Variants in POMGNT1 observed in about 807,000 individuals in gnomAD.
POMGNT1 encodes the protein protein O-linked mannose N-acetylglucosaminyltransferase 1 (beta 1,2-), also known as protein O-linked-mannose beta-1,2-N-acetylglucosaminyltransferase 1.
In POMGNT1, 67 loss-of-function variants were observed where a neutral mutation model predicts 95.6. The observed-to-expected ratio is 0.70, with a 90% CI of 0.58 to 0.86. POMGNT1 has a LOEUF of 0.86. POMGNT1 is among the 40% of genes least tolerant of loss of function. The pLI is 0.00. For synonymous variants in POMGNT1, 298 were observed against 317.9 expected (o/e 0.94, Z 0.66); for missense variants, 719 against 855.2 (o/e 0.84, Z 1.99).
chr1:46,193,152 G>C, intron 13 of POMGNT1, 22 bp downstream of exon 13: 1 of 1,614,110 alleles, frequency 6.2e-7, no homozygotes, highest in African/African-American at 1.3e-5. Flanking sequence ...CCAGGCCCAA[G>C]AGTTGTATCC....
At chr1:46,202,534 A>G (rs946149220), upstream of POMGNT1, among the ~76,000 whole-genome samples, 2 of 151,752 alleles carry the variant, frequency 1.3e-5, no homozygotes, top group African/African-American at 2.4e-5. Context: ...CTCTACTAAA[A>G]ATACAAAAAT....
chr1:46,212,966 G>A (rs768809014), intron 1 of POMGNT1, among the ~76,000 whole-genome samples: 7 of 151,796 alleles, frequency 4.6e-5, no homozygotes, highest in Non-Finnish European at 7.4e-5. Context: ...GGGTTTCACC[G>A]TGTTAGCCAG....
rs776815245 is a variant in POMGNT1, at chr1:46,197,061, C to T, written c.144G>A (p.Leu48=). The change falls in exon 3 of 22, where the codon CTG becomes CTA. Residue 48 remains leucine (L), a synonymous_variant. Coordinates refer to ENST00000371984, the MANE Select transcript of POMGNT1 (RefSeq NM_017739.4). ...ACTTGATATTGACAATGACAGTCAC[C>T]AGCAGGAAAAGCACGGCCCCTGTCT... ...FCQTGAVLFL[L]VTVIVNIKLI... The T allele has an allele frequency of 1.9e-6, 3 of 1,614,176 alleles. No homozygotes were observed. The highest frequency in any genetic ancestry group is 2.5e-6 in the Non-Finnish European group (3 of 1,180,008).
At chr1:46,207,544 CTTTT>C (rs565434779) in intron 1 of POMGNT1, among the ~76,000 whole-genome samples, 13 of 146,540 alleles carry the variant, frequency 8.9e-5, no homozygotes, top group South Asian at 6.4e-4. Context: ...TTCTTTCTTT[CTTTT>C]TTTTTTTTGA....
chr1:46,212,483 G>A (rs574452266), intron 1 of POMGNT1, among the ~76,000 whole-genome samples: 25 of 151,974 alleles, frequency 1.6e-4, no homozygotes, highest in Admixed American at 3.3e-4. Flanking sequence ...GGGTTTCACC[G>A]TGTTAGCCAG....
chr1:46,205,212 C>A (rs143448207), intron 1 of POMGNT1, among the ~76,000 whole-genome samples: 1 of 151,954 alleles, frequency 6.6e-6, no homozygotes, highest in African/African-American at 2.4e-5. Context: ...GAGCTGAAAT[C>A]GCACCACTGC....
Position 46,193,648 on chromosome 1 carries a change from C to T in POMGNT1, c.951-9G>A. 6.2e-7 allele frequency: 1 copy of T among 1,614,134 alleles called. No homozygotes were observed. The highest frequency in any genetic ancestry group is 1.3e-5 in the African/African-American group (1 of 75,060). On this transcript the variant is annotated splice_polypyrimidine_tract_variant and intron_variant, in intron 10 of 21. Transcript: ENST00000371984. The stretch of plus-strand genomic sequence containing the variant: ...GCAGAGAGCGCAGCATCCTGGGGAG[C>T]CCAGGGATAGGTTAGGGTCACTTCA...
In POMGNT1 at chr1:46,194,356, C is replaced by T. The variant is rs1040105441; in HGVS notation, c.797G>A (p.Arg266Gln). ...WADTELNRRR[R>Q]RFCSKVEGYG... ...GCCCTCAACTTTGCTGCAGAAGCGC[C>T]GGCGGCGACGGTTCAGCTCTGTGTC... The change falls in exon 9 of 22, where the codon CGG becomes CAG. Residue 266 changes from arginine to glutamine, a missense_variant. Arg to Gln is a conservative substitution (Grantham distance 43). This residue lies in a region of POMGNT1 where 466 missense variants were observed against 517.4 expected (regional missense o/e 0.90). Transcript: ENST00000371984. 5 of 1,614,088 alleles carry T rather than the reference C, an allele frequency of 3.1e-6. No individual in the cohort carries two copies. The highest frequency in any genetic ancestry group is 1.3e-5 in the African/African-American group (1 of 74,926).
upstream of POMGNT1, chr1:46,203,328 C>T (rs1658605054): frequency 9.2e-7 from 1 of 1,090,344 alleles, no homozygotes; most frequent in Non-Finnish European, 1.2e-6. Flanking sequence ...CGGGCGGGGA[C>T]CCACCGGTTT....
intron 1 of POMGNT1, among the ~76,000 whole-genome samples, chr1:46,213,811 C>G (rs145027259): frequency 5.9e-5 from 9 of 151,508 alleles, no homozygotes; most frequent in African/African-American, 2.2e-4. Flanking sequence ...GCCTTGCTTA[C>G]GTTATACTCT....
chr1:46,204,385 C>CCT, intron 1 of POMGNT1, among the ~76,000 whole-genome samples: 1 of 152,302 alleles, frequency 6.6e-6, no homozygotes, highest in East Asian at 1.9e-4. Context: ...CAGCCGAGGC[C>CCT]CTGGCAGGTT....
chr1:46,189,505 C>CCGAAACAAT lies in POMGNT1; in HGVS notation c.1839_1847dup (p.Leu614_Arg616dup). 6.2e-7 allele frequency: 1 copy of CCGAAACAAT among 1,613,662 alleles called. No homozygotes were observed. The highest frequency in any genetic ancestry group is 8.5e-7 in the Non-Finnish European group (1 of 1,179,844). ...CCACCATCAGGAAGTGGTTCTTCTT[C>CCGAAACAAT]CGAAACAATCTCCACAGGCCCCGAT... On this transcript the variant is annotated inframe_insertion, in exon 21 of 22. Transcript: ENST00000371984.
At chr1:46,203,370 C>T (rs1273971810), upstream of POMGNT1, 2 of 1,416,154 alleles carry the variant, frequency 1.4e-6, no homozygotes, top group East Asian at 2.7e-5. Flanking sequence ...AAGGGAGGAC[C>T]CCCGGGAGCC....
chr1:46,203,071 GA>G (rs1658597094), upstream of POMGNT1, among the ~76,000 whole-genome samples: 1 of 152,078 alleles, frequency 6.6e-6, no homozygotes, highest in African/African-American at 2.4e-5. Context: ...ATCTCTGACT[GA>G]AGCTGCTTAG....
At chr1:46,205,010 C>A (rs890520887) in intron 1 of POMGNT1, among the ~76,000 whole-genome samples, 1 of 152,142 alleles carries the variant, frequency 6.6e-6, no homozygotes, top group African/African-American at 2.4e-5. Flanking sequence ...GTAATCCCAG[C>A]ACTTTGGGAG....
chr1:46,209,404 G>A (rs1332039809), intron 1 of POMGNT1, among the ~76,000 whole-genome samples: 2 of 152,144 alleles, frequency 1.3e-5, no homozygotes, highest in Non-Finnish European at 2.9e-5. Context: ...GGGCACAAGT[G>A]GGGCTGAAAA....
chr1:46,190,190 G>A (rs549685568), intron 19 of POMGNT1: 24 of 687,114 alleles, frequency 3.5e-5, no homozygotes, highest in African/African-American at 2.2e-4. Flanking sequence ...GACTACAGGC[G>A]CCTGCCACCA....
intron 1 of POMGNT1, among the ~76,000 whole-genome samples, chr1:46,206,825 C>T (rs1418592225): frequency 6.6e-6 from 1 of 152,176 alleles, no homozygotes; most frequent in South Asian, 2.1e-4. Flanking sequence ...CTGGGCCAAG[C>T]ACCAGAAATG....
At chr1:46,203,363 G>A, upstream of POMGNT1, 8 of 1,404,126 alleles carry the variant, frequency 5.7e-6, no homozygotes, top group Non-Finnish European at 7.5e-6. Context: ...AGCGGCGAAG[G>A]GAGGACCCCC....
Sources: allele counts gnomAD v4.1 joint callset (sites outside exome capture counted in the v4.1 genomes callset), GRCh38; gene constraint gnomAD v4.1.1; regional missense constraint gnomAD v4.1.1; transcripts MANE v1.5; gene names NCBI Gene and HGNC (gene_info 2026-07-23, HGNC 2026-07-21).